The following OXCT1 variants were observed in gnomAD, a reference collection of about 807,000 sequenced individuals.
OXCT1 encodes 3-oxoacid CoA-transferase 1, also known as succinyl-CoA:3-ketoacid coenzyme A transferase 1, mitochondrial.
A neutral mutation model predicts 69.6 loss-of-function variants in OXCT1; 27 were observed. That is an observed-to-expected ratio of 0.39 (90% CI 0.29 to 0.54). The LOEUF is 0.54. Among genes scored for constraint, OXCT1 ranks in the 20% least tolerant of loss-of-function variants. The probability of loss-of-function intolerance (pLI) is 0.72; values close to 1 mark genes in which losing one functional copy is unlikely to be tolerated. For missense variants in OXCT1, 437 were observed against 650.2 expected (o/e 0.67, Z 3.57); for synonymous variants, 202 against 217.8 (o/e 0.93, Z 0.64).
intron 16 of OXCT1, among the ~76,000 whole-genome samples, chr5:41,736,673 C>G (rs1415745080): frequency 1.3e-5 from 2 of 152,096 alleles, no homozygotes; most frequent in Non-Finnish European, 2.9e-5. Context: ...TAGCTTTTGC[C>G]CATTCACTTG....
chr5:41,825,582 C>A (rs1470259108), intron 7 of OXCT1, among the ~76,000 whole-genome samples: 1 of 152,232 alleles, frequency 6.6e-6, no homozygotes, highest in East Asian at 1.9e-4. Context: ...TTAAGTCCCT[C>A]TGTGTTCAGG....
intron 1 of OXCT1, among the ~76,000 whole-genome samples, chr5:41,865,861 G>A (rs1415545662): frequency 4.6e-5 from 7 of 152,066 alleles, no homozygotes; most frequent in Non-Finnish European, 1.5e-5. Flanking sequence ...AGCTTCCTTT[G>A]GAAAATGCAA....
At chr5:41,740,162 AAG>A (rs1395478942) in intron 15 of OXCT1, among the ~76,000 whole-genome samples, 1 of 152,184 alleles carries the variant, frequency 6.6e-6, no homozygotes, top group Non-Finnish European at 1.5e-5. Flanking sequence ...GGAATGAAGA[AAG>A]AGGGAGAGAG....
In OXCT1 at chr5:41,842,794, G is replaced by C. The variant is rs370659097; in HGVS notation, c.565-13C>G. ...TGAACTCCCTCACCTGCAGAAGAGG[G>C]AGAAGGCATCATCAGGTATTTGCAT... On this transcript the variant is annotated splice_polypyrimidine_tract_variant and intron_variant, in intron 5 of 16. Transcript: ENST00000196371. 6.5e-7 allele frequency: 1 copy of C among 1,536,994 alleles called. No homozygotes were observed. The highest frequency in any genetic ancestry group is 1.4e-5 in the African/African-American group (1 of 73,318).
rs116822939 is a variant in OXCT1, at chr5:41,809,093, T to C, written c.733-1655A>G. ...TCATAATATTTAATGATCTCATAAT[T>C]TCATGTTTCATAAAATGCAAGATTT... is the stretch of plus-strand genomic sequence containing the variant. On this transcript the variant is annotated intron_variant, in intron 7 of 16. Coordinates refer to ENST00000196371, the MANE Select transcript of OXCT1 (RefSeq NM_000436.4). 3.8e-3 allele frequency among the ~76,000 whole-genome samples: 578 copies of C among 152,098 alleles called. 2 individuals are homozygous for C. Among genetic ancestry groups the C allele is most frequent in the African/African-American group, 0.013 (557 of 41,498 alleles).
Position 41,768,581 on chromosome 5 carries a change from C to G in OXCT1, c.1249-6381G>C, listed in dbSNP as rs566609885. 1.8e-4 allele frequency among the ~76,000 whole-genome samples: 28 copies of G among 152,270 alleles called. No homozygotes were observed. The South Asian group carries it at 3.7e-3, about 20-fold the overall frequency. On this transcript the variant is annotated intron_variant, in intron 13 of 16. Transcript: ENST00000196371. Reference sequence around the variant, plus strand: ...CCTCAAGATCCAAATCAGAAACCTCCTTGTCTCCTGCCTCTCCCTCATAAC... The same window carrying G: ...CCTCAAGATCCAAATCAGAAACCTCGTTGTCTCCTGCCTCTCCCTCATAAC...
intron 13 of OXCT1, among the ~76,000 whole-genome samples, chr5:41,775,973 C>T (rs528705917): frequency 3.6e-4 from 54 of 151,980 alleles, no homozygotes; most frequent in African/African-American, 1.2e-3. Flanking sequence ...CCACAGAGAA[C>T]GAAGTAGGGA....
At chr5:41,812,996 A>C (rs775823618) in intron 7 of OXCT1, among the ~76,000 whole-genome samples, 1 of 152,052 alleles carries the variant, frequency 6.6e-6, no homozygotes, top group Non-Finnish European at 1.5e-5. Flanking sequence ...CATGGTCTAG[A>C]TGGCCATAAA....
intron 13 of OXCT1, among the ~76,000 whole-genome samples, chr5:41,763,181 G>C (rs1744429982): frequency 6.6e-6 from 1 of 152,050 alleles, no homozygotes; most frequent in Admixed American, 6.6e-5. Flanking sequence ...CCATGATTTT[G>C]GAGACATTTT....
intron 14 of OXCT1, among the ~76,000 whole-genome samples, chr5:41,760,916 T>C (rs1019673566): frequency 2.6e-5 from 4 of 152,138 alleles, no homozygotes; most frequent in South Asian, 2.1e-4. Flanking sequence ...GTAACCAAAC[T>C]TTCCCAGGGG....
At chr5:41,839,395 A>T (rs746489953) in intron 7 of OXCT1, among the ~76,000 whole-genome samples, 62 of 152,196 alleles carry the variant, frequency 4.1e-4, no homozygotes, top group Non-Finnish European at 6.6e-4. Flanking sequence ...TTTTTCAGTA[A>T]TGCTATAGTT....
intron 7 of OXCT1, among the ~76,000 whole-genome samples, chr5:41,814,492 T>C (rs535453792): frequency 2.2e-4 from 33 of 151,974 alleles, no homozygotes; most frequent in Middle Eastern, 3.4e-3. Context: ...CCAATAATGA[T>C]AGACTGGATT....
chr5:41,750,218 T>C (rs1462431297), intron 14 of OXCT1, among the ~76,000 whole-genome samples: 1 of 150,730 alleles, frequency 6.6e-6, no homozygotes, highest in Non-Finnish European at 1.5e-5. Flanking sequence ...TAAAATACTA[T>C]GTTTACCATG....
chr5:41,869,995 AGC>A, intron 1 of OXCT1: 1 of 457,606 alleles, frequency 2.2e-6, no homozygotes, highest in Non-Finnish European at 4.0e-6. Flanking sequence ...AGGGCTCGGG[AGC>A]GCTGCCAGGA....
intron 13 of OXCT1, among the ~76,000 whole-genome samples, chr5:41,773,603 C>T (rs1415821054): frequency 6.7e-6 from 1 of 150,024 alleles, no homozygotes; most frequent in Admixed American, 6.7e-5. Flanking sequence ...CTTATCCCTT[C>T]GCAACCCGCC....
chr5:41,835,187 T>C (rs1448881376), intron 7 of OXCT1, among the ~76,000 whole-genome samples: 2 of 152,162 alleles, frequency 1.3e-5, no homozygotes, highest in Non-Finnish European at 2.9e-5. Flanking sequence ...TAGTGGCTAC[T>C]AGGAGCAACT....
At position 41,762,036 on chromosome 5, in the gene OXCT1, G is replaced by T; in HGVS notation, c.1338+75C>A. The T allele has an allele frequency of 3.2e-6, 3 of 933,158 alleles. No individual in the cohort carries two copies. In the South Asian group the frequency reaches 3.9e-5, roughly 12 times the overall value. The allele number at this position is 933,158 out of a possible 1,614,324, so 57.8% of individuals were successfully genotyped here. A position where few individuals can be genotyped will look rare whatever the true frequency, so the allele number is the denominator to read the frequency against. ...GAGAAAATAAAATCCACAGTTAGGTGACCTGGTGGTACACTGGGTTTTGAT... is the reference window on the plus strand; with the variant it reads ...GAGAAAATAAAATCCACAGTTAGGTTACCTGGTGGTACACTGGGTTTTGAT... On this transcript the variant is annotated intron_variant, in intron 14 of 16. Transcript: ENST00000196371. The surrounding 1 kb of genome is among the most constrained non-coding windows in gnomAD (Gnocchi z 4.0).
chr5:41,781,542 G>C (rs1336362547), intron 13 of OXCT1, among the ~76,000 whole-genome samples: 2 of 151,634 alleles, frequency 1.3e-5, no homozygotes, highest in Non-Finnish European at 2.9e-5. Flanking sequence ...TTGCCACATA[G>C]ATCATCCCAT....
chr5:41,850,297 A>G (rs1346309783), intron 4 of OXCT1, 118 bp from the exon 5 acceptor site: 1 of 1,107,458 alleles, frequency 9.0e-7, no homozygotes, highest in East Asian at 2.5e-5. Flanking sequence ...AGTAGCTAGC[A>G]TTGTACATTA....
Sources: gnomAD v4.1 joint callset for allele counts (sites outside exome capture counted in the v4.1 genomes callset) on GRCh38, gnomAD v4.1.1 for gene constraint, Gnocchi (gnomAD v3.1) non-coding constraint, MANE v1.5 for transcripts, NCBI Gene and HGNC (gene_info 2026-07-23, HGNC 2026-07-21) for gene names.